Variants in ABCG5 observed in about 807,000 individuals in gnomAD.
ABCG5 encodes the protein ATP binding cassette subfamily G member 5.
In ABCG5, 64 loss-of-function variants were observed where a neutral mutation model predicts 64.5. The observed-to-expected ratio is 0.99, with a 90% confidence interval of 0.81 to 1.22. The LOEUF is 1.22. Ranked by LOEUF, ABCG5 falls within the 50% of genes most tolerant of loss-of-function variation. ABCG5 has a pLI of 0.00. For missense variants in ABCG5, 908 were observed against 829.5 expected (o/e 1.09, Z -1.16); for synonymous variants, 385 against 326.3 (o/e 1.18, Z -1.94).
Position 43,823,995 on chromosome 2 carries a change from A to G in ABCG5, c.1242T>C (p.Gly414=). 1 of 1,614,154 alleles carries G rather than the reference A, an allele frequency of 6.2e-7. No individual in the cohort carries two copies. The highest frequency in any genetic ancestry group is 1.7e-5 in the Admixed American group (1 of 60,022). ...GGAGACCTACGCGGTCCTGGATAGC[A>G]CCCTTTAGCACATTGCTTCGGACCC... ...VLRVRSNVLK[G]AIQDRVGLLY... Residue 414 remains glycine, a synonymous_variant, in exon 9 of 13, where the codon GGT becomes GGC. Coordinates refer to ENST00000405322, the MANE Select transcript of ABCG5 (RefSeq NM_022436.3).
chr2:43,812,319 C>CTT (rs535572680), downstream of ABCG5, among the ~76,000 whole-genome samples: 1 of 115,282 alleles, frequency 8.7e-6, no homozygotes, highest in Admixed American at 8.4e-5. Context: ...ACTTGTAATT[C>CTT]TTTTTTTTTT....
intron 2 of ABCG5, among the ~76,000 whole-genome samples, chr2:43,837,396 C>G (rs187764633): frequency 1.3e-5 from 2 of 152,152 alleles, no homozygotes; most frequent in East Asian, 3.9e-4. Context: ...GCTGGGATTA[C>G]AGTCATAAGC....
At chr2:43,821,514 C>A (rs1667200210) in intron 10 of ABCG5, among the ~76,000 whole-genome samples, 1 of 152,198 alleles carries the variant, frequency 6.6e-6, no homozygotes, top group Non-Finnish European at 1.5e-5. Context: ...CCTCTCACTT[C>A]CCCAGTGCCC....
chr2:43,822,279 C>G (rs1667261982), intron 10 of ABCG5, among the ~76,000 whole-genome samples: 1 of 152,148 alleles, frequency 6.6e-6, no homozygotes, highest in South Asian at 2.1e-4. Flanking sequence ...CCTCCTTTAA[C>G]CCCTGCAATA....
downstream of ABCG5, among the ~76,000 whole-genome samples, chr2:43,809,373 C>T (rs1445194204): frequency 6.6e-6 from 1 of 152,152 alleles, no homozygotes; most frequent in African/African-American, 2.4e-5. Context: ...AAAATAAGAT[C>T]ACTTTTGAAT....
intron 2 of ABCG5, chr2:43,832,775 T>A (rs1342086678): frequency 6.5e-6 from 1 of 153,236 alleles, no homozygotes; most frequent in Non-Finnish European, 1.5e-5. Flanking sequence ...ACTAACTGCC[T>A]GCTGGAGGTG....
In ABCG5 at chr2:43,837,916, C is replaced by T; in HGVS notation, c.183G>A (p.Arg61=). Residue 61 remains arginine, a synonymous_variant, in exon 2 of 13, where the codon CGG becomes CGA. Coordinates refer to ENST00000405322, the MANE Select transcript of ABCG5 (RefSeq NM_022436.3). The part of the protein sequence containing the change: ...VRPWWDITSC[R]QQWTRQILKD... ...TGAGGATCTGCCTGGTCCACTGCTG[C>T]CGGCAAGATGTGATGTCCCACCAGG... The T allele has an allele frequency of 6.2e-7, 1 of 1,614,132 alleles. No individual in the cohort carries two copies. Among genetic ancestry groups the T allele is most frequent in the Non-Finnish European group, 8.5e-7 (1 of 1,180,002 alleles).
chr2:43,822,798 A>G lies in ABCG5; in HGVS notation c.1462T>C (p.Trp488Arg), dbSNP rs1299933608. ...TGGGTGAACTGAACAACCCCTCACC[A>G]GTAGCACACACTGCTGAAAATCATG... is the stretch of plus-strand genomic sequence containing the variant. ...ATMIFSSVCY[W>R]TLGLHPEVAR... Residue 488 changes from tryptophan (W) to arginine (R), a missense_variant and splice_region_variant, in exon 10 of 13, where the codon TGG becomes CGG. Physicochemically the swap from Trp to Arg is moderately radical, Grantham distance 101 (BLOSUM62 -3). Coordinates refer to ENST00000405322, the MANE Select transcript of ABCG5 (RefSeq NM_022436.3). 17 of 1,614,024 alleles carry G rather than the reference A, an allele frequency of 1.1e-5. No individual in the cohort carries two copies. Among genetic ancestry groups the G allele is most frequent in the African/African-American group, 1.3e-5 (1 of 74,918 alleles).
intron 4 of ABCG5, among the ~76,000 whole-genome samples, chr2:43,829,759 A>G (rs1317195706): frequency 6.6e-6 from 1 of 152,242 alleles, no homozygotes; most frequent in Non-Finnish European, 1.5e-5. Context: ...GTGTTATGAA[A>G]ATGGAAACAA....
chr2:43,826,587 G>C (rs1667620360), intron 5 of ABCG5, 66 bp from the exon 6 acceptor site: 1 of 1,609,928 alleles, frequency 6.2e-7, no homozygotes, highest in Non-Finnish European at 8.5e-7. Flanking sequence ...TTAAAACTCA[G>C]AGTTCTGAAC....
rs935444727 is a variant in ABCG5, at chr2:43,813,875, C to T, written c.1763-566G>A. Among the ~76,000 whole-genome samples, 19 of 151,664 alleles carry T rather than the reference C, an allele frequency of 1.3e-4. 1 individual carries two copies. Among genetic ancestry groups the T allele is most frequent in the African/African-American group, 2.9e-4 (12 of 41,276 alleles). The stretch of plus-strand genomic sequence containing the variant: ...TGGGATTTACAGGCACGCACCACCA[C>T]GCCTGGCTAATTTTTGTATTTTTAG... On this transcript the variant is annotated intron_variant, in intron 12 of 12. Coordinates refer to ENST00000405322, the MANE Select transcript of ABCG5 (RefSeq NM_022436.3).
chr2:43,817,485 C>T (rs114324359), intron 11 of ABCG5, among the ~76,000 whole-genome samples: 2,342 of 149,990 alleles, frequency 0.016, 52 homozygotes, highest in African/African-American at 0.052. Context: ...TGAGACTCTG[C>T]GTCAAGAAAC....
chr2:43,814,228 A>T (rs969469289), intron 12 of ABCG5, among the ~76,000 whole-genome samples: 1 of 152,180 alleles, frequency 6.6e-6, no homozygotes, highest in Non-Finnish European at 1.5e-5. Context: ...CTCAGTGTAC[A>T]TAAGGTCTGT....
At chr2:43,813,558 C>G (rs1666600739) in intron 12 of ABCG5, among the ~76,000 whole-genome samples, 3 of 151,974 alleles carry the variant, frequency 2.0e-5, no homozygotes, top group African/African-American at 2.4e-5. Flanking sequence ...ATCATGATCC[C>G]TTAGCACAGA....
At position 43,824,109 on chromosome 2, in the gene ABCG5, T is replaced by G. The variant is rs781466225; in HGVS notation, c.1128A>C (p.Thr376=). ...SKLGVLLRRV[T]RNLVRNKLAV... is the part of the protein sequence containing the mutation. ...CCAGCTTATTTCTCACCAAGTTTCT[T>G]GTCACTCTCCTGAAAACAAACAACC... The change falls in exon 9 of 13, where the codon ACA becomes ACC. Residue 376 remains threonine, a synonymous_variant. Coordinates refer to ENST00000405322, the MANE Select transcript of ABCG5 (RefSeq NM_022436.3). The G allele has an allele frequency of 4.3e-5, 70 of 1,614,098 alleles. No homozygotes were observed. The highest frequency in any genetic ancestry group is 4.9e-5 in the Non-Finnish European group (58 of 1,180,046).
rs1282693864 is a variant in ABCG5 at position 43,837,876 on chromosome 2, A to G, written c.223T>C (p.Tyr75His). Residue 75 changes from tyrosine (Y) to histidine (H), a missense_variant, in exon 2 of 13, where the codon TAC becomes CAC. Coordinates refer to ENST00000405322, the MANE Select transcript of ABCG5 (RefSeq NM_022436.3). ...TRQILKDVSLYVESGQIMCIL... is the reference protein window; with the variant it reads ...TRQILKDVSLHVESGQIMCIL... ...CACATGATCTGCCCGCTCTCCACGT[A>G]CAAGGAGACATCTTTGAGGATCTGC... 9.9e-6 allele frequency: 16 copies of G among 1,614,110 alleles called. No individual in the cohort carries two copies. Among genetic ancestry groups the G allele is most frequent in the Non-Finnish European group, 1.4e-5 (16 of 1,179,980 alleles).
rs1668402766 is a variant in ABCG5 at position 43,838,178 on chromosome 2, C to T, written c.144-223G>A. ...CTGTGCTGGAGTTGCTCTGAATGTC[C>T]TGTCCGTTTGGCTGCGAGGTGGCTG... On this transcript the variant is annotated intron_variant, in intron 1 of 12. Transcript: ENST00000405322. The surrounding 1 kb of genome is among the most constrained non-coding windows in gnomAD (Gnocchi z 4.2). The T allele has an allele frequency of 3.2e-6, 2 of 626,184 alleles. No individual in the cohort carries two copies. Among genetic ancestry groups the T allele is most frequent in the Non-Finnish European group, 5.5e-6 (2 of 362,388 alleles). 38.8% of individuals were successfully genotyped at this position (626,184 alleles called of 1,614,324 possible).
chr2:43,838,670 G>A lies in ABCG5; in HGVS notation c.10C>T (p.Leu4Phe), dbSNP rs751275236. Residue 4 changes from leucine to phenylalanine, a missense_variant, in exon 1 of 13, where the codon CTC (leucine) becomes TTC (phenylalanine). Leu to Phe is a conservative substitution (Grantham distance 22). Coordinates refer to ENST00000405322, the MANE Select transcript of ABCG5 (RefSeq NM_022436.3). This position sits in a 1 kb window ranked among gnomAD's most constrained non-coding sequence, Gnocchi z 4.2. Reference sequence around the variant, plus strand: ...GACCCTCCGGGGGTCAAAGATGAGAGGTCACCCATGGCCAACAGGCAGCAA... The same window carrying A: ...GACCCTCCGGGGGTCAAAGATGAGAAGTCACCCATGGCCAACAGGCAGCAA... The part of the protein sequence containing the change: MGD[L>F]SSLTPGGSMG... 15 of 1,613,682 alleles carry A rather than the reference G, an allele frequency of 9.3e-6. No homozygotes were observed. Among genetic ancestry groups the A allele is most frequent in the South Asian group, 1.1e-5 (1 of 90,994 alleles).
At chr2:43,818,477 T>C (rs1465637065) in intron 11 of ABCG5, among the ~76,000 whole-genome samples, 2 of 152,132 alleles carry the variant, frequency 1.3e-5, no homozygotes, top group Non-Finnish European at 2.9e-5. Flanking sequence ...ATACGGTTTC[T>C]ACAGAACGAG....
Sources: allele counts gnomAD v4.1 joint callset (sites outside exome capture counted in the v4.1 genomes callset), GRCh38; gene constraint gnomAD v4.1.1; non-coding constraint Gnocchi (gnomAD v3.1); transcripts MANE v1.5; gene names NCBI Gene and HGNC (gene_info 2026-07-23, HGNC 2026-07-21).